NEGR1: variants seen among roughly 807,000 people sequenced by gnomAD.
NEGR1 encodes neuronal growth regulator 1.
Under a neutral mutation model 40.9 loss-of-function variants are expected in NEGR1, and 10 were observed. That is an observed-to-expected ratio of 0.24 (90% CI 0.15 to 0.42). The LOEUF is 0.42. Among genes scored for constraint, NEGR1 ranks in the 10% least tolerant of loss-of-function variants. The pLI is 1.00. For missense variants in NEGR1, 352 were observed against 438.9 expected (o/e 0.80, Z 1.77); for synonymous variants, 185 against 166.8 (o/e 1.11, Z -0.84).
rs1553152604 is a variant in NEGR1 at position 71,597,412 on chromosome 1, T to TTTTATA, written c.789-4445_789-4444insTATAAA. On this transcript the variant is annotated intron_variant, in intron 5 of 6. Coordinates refer to ENST00000357731, the MANE Select transcript of NEGR1 (RefSeq NM_173808.3). ...GCCTTTCTCAAGGATGGAGTTTTAT[T>TTTTATA]TATATATATATATATATATGTCTCT... is the stretch of plus-strand genomic sequence containing the variant. Among the ~76,000 whole-genome samples the TTTTATA allele has an allele frequency of 2.2e-4, 27 of 120,556 alleles. No individual in the cohort carries two copies. The East Asian group carries it at 2.6e-3, about 11-fold the overall frequency. The allele number at this position is 120,556 out of a possible 152,430, so 79.1% of individuals were successfully genotyped here. A position where few individuals can be genotyped will look rare whatever the true frequency, so the allele number is the denominator to read the frequency against.
chr1:71,544,875 G>T (rs1221442502), intron 6 of NEGR1, among the ~76,000 whole-genome samples: 1 of 151,646 alleles, frequency 6.6e-6, no homozygotes, highest in East Asian at 2.0e-4. Flanking sequence ...CCTGTGGATT[G>T]TTAATTCTGC....
At chr1:71,463,145 G>A (rs1440604878) in intron 6 of NEGR1, among the ~76,000 whole-genome samples, 2 of 152,102 alleles carry the variant, frequency 1.3e-5, no homozygotes, top group African/African-American at 2.4e-5. Flanking sequence ...GGTTGGATGC[G>A]AGAGAGCAGT....
intron 6 of NEGR1, chr1:71,573,586 G>C (rs1450208222): frequency 1.3e-5 from 2 of 152,154 alleles, no homozygotes; most frequent in Non-Finnish European, 2.9e-5. Flanking sequence ...GGCTTCTCTT[G>C]TAGTTCATTT....
chr1:71,745,364 A>G (rs1445244205), intron 3 of NEGR1, among the ~76,000 whole-genome samples: 3 of 152,136 alleles, frequency 2.0e-5, no homozygotes, highest in African/African-American at 7.2e-5. Flanking sequence ...AAACAAACAA[A>G]CAAAAACCCT....
intron 2 of NEGR1, among the ~76,000 whole-genome samples, chr1:71,918,420 C>A (rs1661665292): frequency 6.6e-6 from 1 of 151,722 alleles, no homozygotes; most frequent in South Asian, 2.1e-4. Flanking sequence ...TGTGCAAAGC[C>A]AGCAACTCTC....
At chr1:71,596,055 A>G (rs1649700829) in intron 5 of NEGR1, among the ~76,000 whole-genome samples, 1 of 151,996 alleles carries the variant, frequency 6.6e-6, no homozygotes, top group African/African-American at 2.4e-5. Context: ...AAAAAAAAAA[A>G]AAAAAAAAAG....
chr1:71,675,803 GTTTTTT>G (rs1553157806), intron 4 of NEGR1, among the ~76,000 whole-genome samples: 5,339 of 46,146 alleles, frequency 0.12, 90 homozygotes, highest in Non-Finnish European at 0.2. Context: ...TTTGTTTTTT[GTTTTTT>G]TTTTCCTTAA....
At chr1:71,447,297 A>T (rs1646589414) in intron 6 of NEGR1, among the ~76,000 whole-genome samples, 2 of 152,346 alleles carry the variant, frequency 1.3e-5, no homozygotes, top group South Asian at 4.1e-4. Context: ...GTGCCAAAAA[A>T]AATTGGGGAC....
chr1:71,582,060 A>G (rs1291164019), intron 6 of NEGR1, among the ~76,000 whole-genome samples: 1 of 152,214 alleles, frequency 6.6e-6, no homozygotes, highest in African/African-American at 2.4e-5. Flanking sequence ...AATGTATCAT[A>G]GTGAAGCCAT....
At chr1:71,435,881 T>A (rs895659874) in intron 6 of NEGR1, among the ~76,000 whole-genome samples, 1 of 152,188 alleles carries the variant, frequency 6.6e-6, no homozygotes, top group African/African-American at 2.4e-5. Flanking sequence ...CTCCATGAGT[T>A]CAACATGGAA....
At chr1:71,672,558 C>A (rs1652471350) in intron 4 of NEGR1, among the ~76,000 whole-genome samples, 1 of 152,052 alleles carries the variant, frequency 6.6e-6, no homozygotes, top group African/African-American at 2.4e-5. Flanking sequence ...GTGGTGTCAG[C>A]AGGGTCAATT....
intron 4 of NEGR1, among the ~76,000 whole-genome samples, chr1:71,613,553 AG>A (rs1414545886): frequency 6.6e-6 from 1 of 151,826 alleles, no homozygotes; most frequent in African/African-American, 2.4e-5. Flanking sequence ...GAGGCTTGGG[AG>A]GCTGAAGCAG....
intron 6 of NEGR1, chr1:71,408,682 A>G (rs935453867): frequency 6.6e-6 from 1 of 151,960 alleles, no homozygotes; most frequent in African/African-American, 2.4e-5. Context: ...AATAATTGTA[A>G]TAACAAAAAA....
At chr1:71,501,082 C>T (rs1171451802) in intron 6 of NEGR1, among the ~76,000 whole-genome samples, 1 of 151,920 alleles carries the variant, frequency 6.6e-6, no homozygotes, top group East Asian at 1.9e-4. Flanking sequence ...ATAAGATTGA[C>T]ATTAATATGC....
intron 2 of NEGR1, among the ~76,000 whole-genome samples, chr1:71,906,413 T>G (rs1264307926): frequency 6.7e-6 from 1 of 150,138 alleles, no homozygotes; most frequent in East Asian, 1.9e-4. Context: ...AAATACAATT[T>G]AAAAAATAAA....
At chr1:71,885,212 A>G (rs559304510) in intron 2 of NEGR1, among the ~76,000 whole-genome samples, 3 of 152,332 alleles carry the variant, frequency 2.0e-5, no homozygotes, top group Admixed American at 1.3e-4. Flanking sequence ...TTGAAAGCTA[A>G]TAAGAGCCAG....
At chr1:72,102,910 G>C (rs1442178757) in intron 1 of NEGR1, among the ~76,000 whole-genome samples, 1 of 152,070 alleles carries the variant, frequency 6.6e-6, no homozygotes, top group African/African-American at 2.4e-5. Flanking sequence ...ATTTTTAAAA[G>C]TTTTGCTAGG....
In NEGR1 at chr1:72,062,839, G is replaced by T. The variant is rs58407537; in HGVS notation, c.177-127528C>A. Among the ~76,000 whole-genome samples the T allele has an allele frequency of 3.8e-3, 574 of 151,970 alleles. 2 individuals carry two copies. Among genetic ancestry groups the T allele is most frequent in the African/African-American group, 0.013 (542 of 41,500 alleles). ...AGCTTGTCTTGCAAAGGAAACCAGGGACTGCCCACATGGCATTATTAACCA... is the reference window on the plus strand; with the variant it reads ...AGCTTGTCTTGCAAAGGAAACCAGGTACTGCCCACATGGCATTATTAACCA... On this transcript the variant is annotated intron_variant, in intron 1 of 6. Transcript: ENST00000357731.
chr1:71,634,230 CAG>C (rs1651067842), intron 4 of NEGR1, among the ~76,000 whole-genome samples: 1 of 151,992 alleles, frequency 6.6e-6, no homozygotes, highest in Non-Finnish European at 1.5e-5. Context: ...AACATAGAAA[CAG>C]AGTCATTTTG....
Sources: allele counts gnomAD v4.1 joint callset (sites outside exome capture counted in the v4.1 genomes callset), GRCh38; gene constraint gnomAD v4.1.1; transcripts MANE v1.5; gene names NCBI Gene and HGNC (gene_info 2026-07-23, HGNC 2026-07-21).